FAM120A: variants seen among roughly 807,000 people sequenced by gnomAD.
The protein encoded by FAM120A is constitutive coactivator of PPAR-gamma-like protein 1.
A neutral mutation model predicts 109.7 loss-of-function variants in FAM120A; 15 were observed. The observed-to-expected ratio is 0.14, with a 90% CI of 0.09 to 0.21. FAM120A has a LOEUF of 0.21. FAM120A is among the 10% of genes least tolerant of loss of function. FAM120A has a pLI of 1.00. For missense variants in FAM120A, 899 were observed against 1,439.3 expected (o/e 0.62, Z 6.07); for synonymous variants, 493 against 572.8 (o/e 0.86, Z 1.99).
intron 9 of FAM120A, chr9:93,530,906 T>TG (rs1452854731): frequency 6.6e-6 from 1 of 152,246 alleles, no homozygotes; most frequent in African/African-American, 2.4e-5. Context: ...CTGGATCTGA[T>TG]GCGTGGATAG....
intron 10 of FAM120A, among the ~76,000 whole-genome samples, chr9:93,537,271 G>T (rs1709151401): frequency 6.6e-6 from 1 of 152,156 alleles, no homozygotes; most frequent in Non-Finnish European, 1.5e-5. Context: ...CTTTCCAGGG[G>T]TCAGTGGGAG....
chr9:93,506,133 A>G (rs1860042434), intron 5 of FAM120A, among the ~76,000 whole-genome samples: 1 of 152,156 alleles, frequency 6.6e-6, no homozygotes, highest in South Asian at 2.1e-4. Context: ...TGCCCATGTA[A>G]TATTTCTGCA....
chr9:93,477,777 C>T (rs1858611290), intron 3 of FAM120A, among the ~76,000 whole-genome samples: 1 of 152,202 alleles, frequency 6.6e-6, no homozygotes, highest in Admixed American at 6.5e-5. Context: ...CTTCATATGT[C>T]ACAGGGTTAG....
At chr9:93,534,579 G>A (rs1177931048) in intron 10 of FAM120A, among the ~76,000 whole-genome samples, 2 of 152,112 alleles carry the variant, frequency 1.3e-5, no homozygotes, top group South Asian at 2.1e-4. Flanking sequence ...AGGGAACGCC[G>A]TATCTTCAAA....
In FAM120A at chr9:93,497,600, G is replaced by GA; in HGVS notation, c.933+1_933+2insA. On this transcript the variant is annotated splice_donor_variant, in intron 4 of 17. Coordinates refer to ENST00000277165, the MANE Select transcript of FAM120A (RefSeq NM_014612.5). LOFTEE classifies it high-confidence loss of function. The stretch of plus-strand genomic sequence containing the variant: ...TAAAGATGTTTTCCAGCATTCACAG[G>GA]TAAAAAAAAAAACAAACAAAACAAA... 6.4e-7 allele frequency: 1 copy of GA among 1,573,336 alleles called. No individual in the cohort carries two copies.
intron 7 of FAM120A, among the ~76,000 whole-genome samples, chr9:93,521,944 G>C (rs1035350871): frequency 1.3e-5 from 2 of 152,178 alleles, no homozygotes. Context: ...GCTGGACGTG[G>C]TTGTGTTTGC....
intron 1 of FAM120A, among the ~76,000 whole-genome samples, chr9:93,455,241 TATTTA>T (rs1857501583): frequency 6.6e-6 from 1 of 152,186 alleles, no homozygotes; most frequent in African/African-American, 2.4e-5. Context: ...CTTGCATGAA[TATTTA>T]ATTAAGGTTT....
intron 3 of FAM120A, among the ~76,000 whole-genome samples, chr9:93,492,141 T>G (rs1859350424): frequency 6.6e-6 from 1 of 151,928 alleles, no homozygotes; most frequent in Non-Finnish European, 1.5e-5. Context: ...GATAACTACC[T>G]TTGTGTGTGG....
intron 11 of FAM120A, among the ~76,000 whole-genome samples, chr9:93,548,054 A>G (rs1312965024): frequency 2.6e-5 from 4 of 152,130 alleles, no homozygotes; most frequent in African/African-American, 9.7e-5. Flanking sequence ...GAAAGCCAGG[A>G]AAGATCTTGA....
intron 5 of FAM120A, among the ~76,000 whole-genome samples, chr9:93,503,261 T>A (rs561465207): frequency 6.6e-6 from 1 of 152,220 alleles, no homozygotes; most frequent in Admixed American, 6.5e-5. Context: ...TGAAAACTTA[T>A]GTCTACGCAA....
At chr9:93,558,052 G>T (rs1351319869) in intron 14 of FAM120A, 42 bp downstream of exon 14, 2 of 1,515,466 alleles carry the variant, frequency 1.3e-6, no homozygotes, top group Admixed American at 2.0e-5. Flanking sequence ...ACAGATGCCA[G>T]ATTCCTGTAA....
intron 11 of FAM120A, among the ~76,000 whole-genome samples, chr9:93,549,866 T>C (rs892138501): frequency 6.6e-6 from 1 of 152,246 alleles, no homozygotes; most frequent in Non-Finnish European, 1.5e-5. Flanking sequence ...CAGACACTCC[T>C]TGGGGTTGTG....
Position 93,550,685 on chromosome 9 carries a change from G to A in FAM120A, c.2268G>A (p.Glu756=), listed in dbSNP as rs1436788303. Residue 756 remains glutamate, a synonymous_variant, in exon 12 of 18, where the codon GAG becomes GAA. Coordinates refer to ENST00000277165, the MANE Select transcript of FAM120A (RefSeq NM_014612.5). The part of the protein sequence containing the change: ...PKLYEPDQLQ[E]LKIENLDPRG... ...TCTACGAGCCTGATCAGCTCCAGGA[G>A]CTCAAGGTAATTTATCAGCCTCATT... 1.9e-6 allele frequency: 3 copies of A among 1,613,282 alleles called. No individual in the cohort carries two copies. The highest frequency in any genetic ancestry group is 2.5e-6 in the Non-Finnish European group (3 of 1,179,612).
At chr9:93,478,092 T>C (rs1858624986) in intron 3 of FAM120A, among the ~76,000 whole-genome samples, 1 of 152,154 alleles carries the variant, frequency 6.6e-6, no homozygotes, top group African/African-American at 2.4e-5. Context: ...GCTTGCTCCA[T>C]CACTTCCTAA....
intron 3 of FAM120A, among the ~76,000 whole-genome samples, chr9:93,486,131 C>A (rs764012767): frequency 6.6e-6 from 1 of 152,062 alleles, no homozygotes; most frequent in Non-Finnish European, 1.5e-5. Flanking sequence ...TACCACCACA[C>A]TGGGCTAATG....
intron 5 of FAM120A, among the ~76,000 whole-genome samples, chr9:93,503,855 T>A (rs980256240): frequency 5.8e-4 from 88 of 152,018 alleles, no homozygotes; most frequent in African/African-American, 1.9e-3. Flanking sequence ...ATATATATAT[T>A]TTAAAGTAAA....
chr9:93,472,729 A>G lies in FAM120A; in HGVS notation c.721+1342A>G, dbSNP rs148417308. On this transcript the variant is annotated intron_variant, in intron 2 of 17. Coordinates refer to ENST00000277165, the MANE Select transcript of FAM120A (RefSeq NM_014612.5). ...CAACTAGAAATTGTAAGGAGTCACA[A>G]TTTATTTTTATTTTTTTGGAGGGAC... 2.7e-3 allele frequency among the ~76,000 whole-genome samples: 406 copies of G among 152,352 alleles called. 2 individuals are homozygous for G. The highest frequency in any genetic ancestry group is 3.7e-3 in the Non-Finnish European group (255 of 68,032).
chr9:93,457,249 G>A (rs1857589509), intron 1 of FAM120A, among the ~76,000 whole-genome samples: 1 of 152,036 alleles, frequency 6.6e-6, no homozygotes, highest in African/African-American at 2.4e-5. Flanking sequence ...GTTCTTTTGG[G>A]TATATACTCA....
chr9:93,561,424 TCTCA>T (rs886296535), intron 16 of FAM120A, among the ~76,000 whole-genome samples, 174 bp downstream of exon 16: 2 of 152,180 alleles, frequency 1.3e-5, no homozygotes, highest in African/African-American at 4.8e-5. Context: ...TAAGATGGGG[TCTCA>T]CTGTCACCCA....
Sources: gnomAD v4.1 joint callset for allele counts (sites outside exome capture counted in the v4.1 genomes callset) on GRCh38, gnomAD v4.1.1 for gene constraint, MANE v1.5 for transcripts, NCBI Gene and HGNC (gene_info 2026-07-23, HGNC 2026-07-21) for gene names.